CD2AP: variants seen among roughly 807,000 people sequenced by gnomAD.
CD2AP encodes CD2 associated protein.
A neutral mutation model predicts 85.1 loss-of-function variants in CD2AP; 46 were observed. The observed-to-expected ratio is 0.54, with a 90% CI of 0.43 to 0.69. CD2AP has a LOEUF of 0.69. CD2AP is among the 30% of genes least tolerant of loss of function. The pLI, the probability that CD2AP is intolerant of heterozygous loss-of-function variation, is 0.00. For missense variants in CD2AP, 769 were observed against 729.5 expected (o/e 1.05, Z -0.62); for synonymous variants, 255 against 252.9 (o/e 1.01, Z -0.08).
At chr6:47,512,141 G>C (rs6929451) in intron 2 of CD2AP, among the ~76,000 whole-genome samples, 399 of 151,940 alleles carry the variant, frequency 2.6e-3, no homozygotes, top group African/African-American at 9.0e-3. Flanking sequence ...CTGGGCAACA[G>C]AGCGAGACTC....
intron 3 of CD2AP, among the ~76,000 whole-genome samples, chr6:47,535,982 T>G (rs919808752): frequency 1.3e-5 from 2 of 152,240 alleles, no homozygotes; most frequent in African/African-American, 4.8e-5. Flanking sequence ...AAATTTTGCC[T>G]TTCGTAAGAA....
At chr6:47,573,632 G>A (rs1768216954) in intron 5 of CD2AP, among the ~76,000 whole-genome samples, 1 of 151,762 alleles carries the variant, frequency 6.6e-6, no homozygotes, top group South Asian at 2.1e-4. Flanking sequence ...GGGACTACAG[G>A]CACCTGCCAC....
chr6:47,544,721 T>C lies in CD2AP; in HGVS notation c.420+15T>C. Reference sequence around the variant, plus strand: ...TTAATGAAGAGGTAAGGAAAAAATGTGTTACAGGTAAAACAGTAATGGTAA... The same window carrying C: ...TTAATGAAGAGGTAAGGAAAAAATGCGTTACAGGTAAAACAGTAATGGTAA... On this transcript the variant is annotated intron_variant, in intron 4 of 17. Transcript: ENST00000359314. 7.0e-7 allele frequency: 1 copy of C among 1,429,462 alleles called. No homozygotes were observed. The highest frequency in any genetic ancestry group is 9.9e-7 in the Non-Finnish European group (1 of 1,011,964). The allele number at this position is 1,429,462 out of a possible 1,614,324, so 88.5% of individuals were successfully genotyped here. A position where few individuals can be genotyped will look rare whatever the true frequency, so the allele number is the denominator to read the frequency against.
At chr6:47,541,174 A>G (rs536671437) in intron 3 of CD2AP, among the ~76,000 whole-genome samples, 2 of 152,262 alleles carry the variant, frequency 1.3e-5, no homozygotes, top group African/African-American at 4.8e-5. Context: ...CCCAGGCTGG[A>G]GTGCAGTGGC....
chr6:47,490,800 G>T (rs1015062809), intron 1 of CD2AP, among the ~76,000 whole-genome samples: 1 of 152,102 alleles, frequency 6.6e-6, no homozygotes, highest in African/African-American at 2.4e-5. Flanking sequence ...TGCTAAGAGT[G>T]TATTGTACTA....
intron 1 of CD2AP, among the ~76,000 whole-genome samples, chr6:47,488,517 A>G (rs1249580258): frequency 1.3e-5 from 2 of 152,278 alleles, no homozygotes; most frequent in East Asian, 3.9e-4. Context: ...AAAAGTTATT[A>G]ATGAGATAGC....
chr6:47,523,183 A>G (rs543832046), intron 2 of CD2AP, among the ~76,000 whole-genome samples: 2 of 152,228 alleles, frequency 1.3e-5, no homozygotes, highest in South Asian at 4.1e-4. Context: ...TTCAAGAGCT[A>G]GCTTTATAAT....
intron 2 of CD2AP, among the ~76,000 whole-genome samples, chr6:47,523,204 G>T (rs1766640388): frequency 6.6e-6 from 1 of 152,018 alleles, no homozygotes; most frequent in South Asian, 2.1e-4. Context: ...AGTTCATATA[G>T]AGAACATTTT....
At position 47,609,266 on chromosome 6, in the gene CD2AP, ATTG is replaced by A. The variant is rs1340598889; in HGVS notation, c.1781_1783del (p.Leu594del). ...ATGAACTTAGAGCCCAGATTATTGA[ATTG>A]TTGTGCATTGTAGAAGCACTGAAAA... On this transcript the variant is annotated inframe_deletion, in exon 16 of 18. Coordinates refer to ENST00000359314, the MANE Select transcript of CD2AP (RefSeq NM_012120.3). 16 of 1,613,616 alleles carry A rather than the reference ATTG, an allele frequency of 9.9e-6. No individual in the cohort carries two copies. Among genetic ancestry groups the A allele is most frequent in the Admixed American group, 1.7e-5 (1 of 59,980 alleles).
At chr6:47,555,350 GT>G (rs933381835) in intron 5 of CD2AP, among the ~76,000 whole-genome samples, 1 of 151,758 alleles carries the variant, frequency 6.6e-6, no homozygotes, top group Non-Finnish European at 1.5e-5. Context: ...AATTAGGAGA[GT>G]TTTTTTTGTT....
chr6:47,588,898 C>T (rs9381578), intron 11 of CD2AP, among the ~76,000 whole-genome samples: 40,716 of 151,812 alleles, frequency 0.27, 5,612 homozygotes, highest in African/African-American at 0.32. Flanking sequence ...ACATTTACCT[C>T]TAGACCAATG....
chr6:47,582,418 ATAAT>A (rs1264551393), intron 11 of CD2AP: 2 of 189,382 alleles, frequency 1.1e-5, no homozygotes, highest in African/African-American at 4.7e-5. Context: ...AAGCATGAAA[ATAAT>A]TAATTACATA....
chr6:47,533,521 A>T, intron 2 of CD2AP, 81 bp from the exon 3 acceptor site: 1 of 1,320,666 alleles, frequency 7.6e-7, no homozygotes, highest in South Asian at 1.3e-5. Flanking sequence ...TACTGTAGCT[A>T]TTTTTTGGTA....
intron 1 of CD2AP, among the ~76,000 whole-genome samples, chr6:47,497,808 G>C (rs1049642402): frequency 1.3e-5 from 2 of 152,156 alleles, no homozygotes; most frequent in African/African-American, 4.8e-5. Flanking sequence ...TCTTGTCTCT[G>C]AGTTCCAGAT....
At chr6:47,597,987 T>G (rs1768996073) in intron 12 of CD2AP, among the ~76,000 whole-genome samples, 1 of 150,834 alleles carries the variant, frequency 6.6e-6, no homozygotes, top group African/African-American at 2.4e-5. Flanking sequence ...GGCAGCCCAT[T>G]TAGTCTCCTG....
Position 47,626,993 on chromosome 6 carries a change from A to G in CD2AP, c.*2766A>G, listed in dbSNP as rs1263175470. ...GCTTTCAATAACTGTTACGTAATGCAGTTGATGTTGTAACCTAACATTCCA... is the reference window on the plus strand; with the variant it reads ...GCTTTCAATAACTGTTACGTAATGCGGTTGATGTTGTAACCTAACATTCCA... On this transcript the variant is annotated 3_prime_UTR_variant, in exon 18 of 18. Transcript: ENST00000359314. 1 of 152,500 alleles carries G rather than the reference A, an allele frequency of 6.6e-6. No individual in the cohort carries two copies. The highest frequency in any genetic ancestry group is 1.5e-5 in the Non-Finnish European group (1 of 67,916). The allele number at this position is 152,500 out of a possible 1,614,324, so 9.4% of individuals were successfully genotyped here. A position where few individuals can be genotyped will look rare whatever the true frequency, so the allele number is the denominator to read the frequency against.
chr6:47,494,823 G>A (rs1765817518), intron 1 of CD2AP, among the ~76,000 whole-genome samples: 2 of 152,156 alleles, frequency 1.3e-5, no homozygotes, highest in Middle Eastern at 3.2e-3. Flanking sequence ...AAAAAGGTAT[G>A]TCTGAGTCTT....
chr6:47,516,488 T>A (rs1169882807), intron 2 of CD2AP, among the ~76,000 whole-genome samples: 2 of 152,234 alleles, frequency 1.3e-5, no homozygotes, highest in African/African-American at 4.8e-5. Context: ...ACAGTAGAAC[T>A]AGAGCATTAG....
chr6:47,483,138 T>C (rs899341197), intron 1 of CD2AP, among the ~76,000 whole-genome samples: 1 of 152,240 alleles, frequency 6.6e-6, no homozygotes, highest in Non-Finnish European at 1.5e-5. Flanking sequence ...TGCTTAGTTG[T>C]AGCATTTGAT....
Sources: allele counts gnomAD v4.1 joint callset (sites outside exome capture counted in the v4.1 genomes callset), GRCh38; gene constraint gnomAD v4.1.1; transcripts MANE v1.5; gene names NCBI Gene and HGNC (gene_info 2026-07-23, HGNC 2026-07-21).